The following CTTNBP2NL variants were observed in gnomAD, a reference collection of about 807,000 sequenced individuals.
CTTNBP2NL encodes the protein CTTNBP2 N-terminal-like protein.
In CTTNBP2NL, 16 loss-of-function variants were observed where a neutral mutation model predicts 32.5. The ratio of observed to expected loss-of-function variants is 0.49; its 90% CI spans 0.33 to 0.75. The LOEUF is 0.75. CTTNBP2NL is among the 30% of genes least tolerant of loss of function. CTTNBP2NL has a pLI of 0.02. For synonymous variants in CTTNBP2NL, 298 were observed against 289.4 expected (o/e 1.03, Z -0.30); for missense variants, 645 against 756.0 (o/e 0.85, Z 1.72).
chr1:112,407,098 A>G (rs1371131359), intron 1 of CTTNBP2NL, among the ~76,000 whole-genome samples: 2 of 152,226 alleles, frequency 1.3e-5, no homozygotes, highest in African/African-American at 2.4e-5. Flanking sequence ...TCTGTTTTAT[A>G]TAATGCTGTC....
At chr1:112,423,987 T>TA (rs1649315302) in intron 3 of CTTNBP2NL, among the ~76,000 whole-genome samples, 1 of 152,334 alleles carries the variant, frequency 6.6e-6, no homozygotes, top group African/African-American at 2.4e-5. Flanking sequence ...CCTCCCAAAG[T>TA]GCTGGGATTA....
chr1:112,395,141 T>C (rs553313217), upstream of CTTNBP2NL, among the ~76,000 whole-genome samples: 2 of 152,362 alleles, frequency 1.3e-5, no homozygotes, highest in African/African-American at 4.8e-5. Context: ...TTGCGAATTA[T>C]AATTGCTAAG....
chr1:112,403,748 C>T (rs1648576039), intron 1 of CTTNBP2NL, among the ~76,000 whole-genome samples: 1 of 152,216 alleles, frequency 6.6e-6, no homozygotes, highest in Non-Finnish European at 1.5e-5. Context: ...AGAAGGCTGG[C>T]CTTTTCTTTT....
At chr1:112,434,952 G>A (rs938886314) in intron 3 of CTTNBP2NL, among the ~76,000 whole-genome samples, 2 of 151,906 alleles carry the variant, frequency 1.3e-5, no homozygotes, top group Admixed American at 6.6e-5. Flanking sequence ...AGACTAGCTT[G>A]GCCAACATGG....
In CTTNBP2NL at chr1:112,412,264, A is replaced by G. The variant is rs945812662; in HGVS notation, c.-63A>G. 1 of 152,314 alleles carries G rather than the reference A, an allele frequency of 6.6e-6. No individual in the cohort carries two copies. Among genetic ancestry groups the G allele is most frequent in the East Asian group, 1.9e-4 (1 of 5,184 alleles). 9.4% of individuals were successfully genotyped at this position (152,314 alleles called of 1,614,324 possible). ...GGCAATTTTCCCAATTTTTTACTGA[A>G]GAAAACTGTAAGTTTATACTTGAGG... On this transcript the variant is annotated 5_prime_UTR_variant, in exon 2 of 6. Coordinates refer to ENST00000271277, the MANE Select transcript of CTTNBP2NL (RefSeq NM_018704.3).
At position 112,440,301 on chromosome 1, in the gene CTTNBP2NL, G is replaced by A. The variant is rs145089069; in HGVS notation, c.100-8641G>A. On this transcript the variant is annotated intron_variant, in intron 3 of 5. Coordinates refer to ENST00000271277, the MANE Select transcript of CTTNBP2NL (RefSeq NM_018704.3). ...TAGACCAAACCTCTCCTGGTTTATC[G>A]ACTTTATAACATTAGTTAGTTTAAA... Among the ~76,000 whole-genome samples the A allele has an allele frequency of 6.3e-3, 953 of 152,194 alleles. 6 individuals are homozygous for A. Among genetic ancestry groups the A allele is most frequent in the African/African-American group, 0.022 (911 of 41,532 alleles).
At chr1:112,450,365 C>T (rs1650180449) in intron 4 of CTTNBP2NL, among the ~76,000 whole-genome samples, 1 of 152,180 alleles carries the variant, frequency 6.6e-6, no homozygotes. Context: ...TAGCTTTAAT[C>T]AGATTCTCCA....
At chr1:112,432,300 A>G (rs1649591331) in intron 3 of CTTNBP2NL, among the ~76,000 whole-genome samples, 1 of 151,956 alleles carries the variant, frequency 6.6e-6, no homozygotes, top group African/African-American at 2.4e-5. Flanking sequence ...TGACTTCATG[A>G]TCCGCCTGCC....
At chr1:112,413,469 G>A (rs1227743325) in intron 2 of CTTNBP2NL, among the ~76,000 whole-genome samples, 4 of 152,120 alleles carry the variant, frequency 2.6e-5, no homozygotes, top group African/African-American at 9.7e-5. Context: ...AATCTTCATA[G>A]CAGCCCTATG....
chr1:112,452,429 C>G (rs866066033), intron 4 of CTTNBP2NL, among the ~76,000 whole-genome samples: 3 of 144,460 alleles, frequency 2.1e-5, no homozygotes, highest in Non-Finnish European at 4.5e-5. Flanking sequence ...ACCACAACCT[C>G]TGCCTACTGG....
At position 112,456,512 on chromosome 1, in the gene CTTNBP2NL, T is replaced by C. The variant is rs746770660; in HGVS notation, c.1020T>C (p.Thr340=). 71 of 1,613,996 alleles carry C rather than the reference T, an allele frequency of 4.4e-5. No individual in the cohort carries two copies. Among genetic ancestry groups the C allele is most frequent in the Non-Finnish European group, 5.9e-5 (70 of 1,180,034 alleles). Residue 340 remains threonine (T), a synonymous_variant, in exon 6 of 6, where the codon ACT becomes ACC. Coordinates refer to ENST00000271277, the MANE Select transcript of CTTNBP2NL (RefSeq NM_018704.3). ...MTNTGLPGPA[T]PAYSYAKTNG... Reference sequence around the variant, plus strand: ...ACACTGGGCTGCCTGGTCCTGCCACTCCTGCTTACTCATATGCAAAAACCA... The same window carrying C: ...ACACTGGGCTGCCTGGTCCTGCCACCCCTGCTTACTCATATGCAAAAACCA...
chr1:112,455,373 C>T (rs1007957439), intron 5 of CTTNBP2NL, among the ~76,000 whole-genome samples: 1 of 152,040 alleles, frequency 6.6e-6, no homozygotes, highest in African/African-American at 2.4e-5. Flanking sequence ...GGTGTGGTGG[C>T]GCATGACTGA....
At chr1:112,437,615 C>G (rs1447870330) in intron 3 of CTTNBP2NL, among the ~76,000 whole-genome samples, 1 of 152,148 alleles carries the variant, frequency 6.6e-6, no homozygotes, top group Non-Finnish European at 1.5e-5. Context: ...CCTCTGCCTC[C>G]TGGGTTCAAG....
intron 3 of CTTNBP2NL, among the ~76,000 whole-genome samples, chr1:112,418,557 G>T (rs1219265535): frequency 2.6e-5 from 4 of 151,680 alleles, no homozygotes; most frequent in Non-Finnish European, 5.9e-5. Flanking sequence ...TGTTTTAGAA[G>T]GAATCATGTC....
At chr1:112,402,156 C>G (rs190026460) in intron 1 of CTTNBP2NL, among the ~76,000 whole-genome samples, 3 of 151,868 alleles carry the variant, frequency 2.0e-5, no homozygotes, top group Admixed American at 6.6e-5. Flanking sequence ...TGGTGACTCA[C>G]GCCTGTAATC....
intron 3 of CTTNBP2NL, among the ~76,000 whole-genome samples, chr1:112,444,187 A>G (rs924851483): frequency 1.3e-5 from 2 of 152,218 alleles, no homozygotes; most frequent in Admixed American, 1.3e-4. Flanking sequence ...GTTGAATATA[A>G]ACTTCCAATT....
chr1:112,438,093 A>G (rs954160782), intron 3 of CTTNBP2NL, among the ~76,000 whole-genome samples: 1 of 152,122 alleles, frequency 6.6e-6, no homozygotes, highest in Non-Finnish European at 1.5e-5. Context: ...TGGGTTTTAC[A>G]TTTAAGTCTG....
rs1027787192 is a variant in CTTNBP2NL, at chr1:112,426,345, T to C, written c.99+10081T>C. 2.0e-5 allele frequency among the ~76,000 whole-genome samples: 3 copies of C among 152,136 alleles called. 1 individual carries two copies. Among genetic ancestry groups the C allele is most frequent in the African/African-American group, 7.2e-5 (3 of 41,426 alleles). ...CAAGTAGAGTGATGTGGAGTAGCTT[T>C]TTCAGATTTATTCTGCTGCTTTTTA... On this transcript the variant is annotated intron_variant, in intron 3 of 5. Coordinates refer to ENST00000271277, the MANE Select transcript of CTTNBP2NL (RefSeq NM_018704.3).
In CTTNBP2NL at chr1:112,401,638, AC is replaced by A. The variant is rs550947434; in HGVS notation, c.-134+5367del. ...CTCAAAGTAAGGAGCGATGATAGGAACAACCAAAACTGGAGTGAGAAGAAAA... is the reference window on the plus strand; with the variant it reads ...CTCAAAGTAAGGAGCGATGATAGGAAAACCAAAACTGGAGTGAGAAGAAAA... On this transcript the variant is annotated intron_variant, in intron 1 of 5. Coordinates refer to ENST00000271277, the MANE Select transcript of CTTNBP2NL (RefSeq NM_018704.3). Among the ~76,000 whole-genome samples the A allele has an allele frequency of 5.5e-3, 835 of 152,310 alleles. 3 individuals carry two copies. The highest frequency in any genetic ancestry group is 9.1e-3 in the Non-Finnish European group (622 of 68,038).
Sources: allele counts gnomAD v4.1 joint callset (sites outside exome capture counted in the v4.1 genomes callset), GRCh38; gene constraint gnomAD v4.1.1; transcripts MANE v1.5; gene names NCBI Gene and HGNC (gene_info 2026-07-23, HGNC 2026-07-21).